Variants in TMEM26 observed in about 807,000 individuals in gnomAD.
TMEM26 encodes the protein transmembrane protein 26.
A neutral mutation model predicts 28.8 loss-of-function variants in TMEM26; 38 were observed. That is an observed-to-expected ratio of 1.32 (90% CI 1.02 to 1.73). The LOEUF is 1.73. TMEM26 is among the 40% of genes most tolerant of loss of function. The probability of loss-of-function intolerance (pLI) is 0.00; values close to 1 mark genes in which losing one functional copy is unlikely to be tolerated. For synonymous variants in TMEM26, 227 were observed against 182.9 expected (o/e 1.24, Z -1.95); for missense variants, 518 against 447.1 (o/e 1.16, Z -1.43).
chr10:61,433,167 G>A (rs917797885), intron 2 of TMEM26, among the ~76,000 whole-genome samples: 2 of 152,018 alleles, frequency 1.3e-5, no homozygotes, highest in Admixed American at 6.6e-5. Flanking sequence ...AGATAACTTG[G>A]AAGCAAATAG....
At chr10:61,431,116 T>G (rs1839914344) in intron 3 of TMEM26, 103 bp downstream of exon 3, 9 of 898,704 alleles carry the variant, frequency 1.0e-5, no homozygotes, top group Non-Finnish European at 1.6e-5. Context: ...GATAACTTTC[T>G]TCAGGAAAGA....
chr10:61,425,987 G>T (rs958176890), intron 4 of TMEM26, among the ~76,000 whole-genome samples: 2 of 152,046 alleles, frequency 1.3e-5, no homozygotes, highest in African/African-American at 4.8e-5. Context: ...GTCTGTCAGT[G>T]AATCCTCTTA....
chr10:61,453,155 C>T lies in TMEM26; in HGVS notation c.-74G>A. ...CCTGCCGGGCGTGCCCGGAGCCCAC[C>T]GGTGAGCAGGAATATGACAAGCACT... On this transcript the variant is annotated 5_prime_UTR_variant, in exon 1 of 6. Transcript: ENST00000399298. 2.7e-6 allele frequency: 4 copies of T among 1,494,786 alleles called. No homozygotes were observed. Among genetic ancestry groups the T allele is most frequent in the Non-Finnish European group, 3.6e-6 (4 of 1,096,160 alleles). 92.6% of individuals were successfully genotyped at this position (1,494,786 alleles called of 1,614,324 possible). A position where few individuals can be genotyped will look rare whatever the true frequency, so the allele number is the denominator to read the frequency against.
In TMEM26 at chr10:61,453,224, G is replaced by A. The variant is rs771592865; in HGVS notation, c.-143C>T. 1.7e-5 allele frequency: 14 copies of A among 815,648 alleles called. No homozygotes were observed. The highest frequency in any genetic ancestry group is 2.6e-5 in the Non-Finnish European group (14 of 530,060). The allele number at this position is 815,648 out of a possible 1,614,324, so 50.5% of individuals were successfully genotyped here. Reference sequence around the variant, plus strand: ...TGGTCCCTTCTCACCCTCAGCGCCCGATGCCGGTAGAACTGGTGCGCGGCT... The same window carrying A: ...TGGTCCCTTCTCACCCTCAGCGCCCAATGCCGGTAGAACTGGTGCGCGGCT... On this transcript the variant is annotated 5_prime_UTR_variant, in exon 1 of 6. Coordinates refer to ENST00000399298, the MANE Select transcript of TMEM26 (RefSeq NM_178505.8).
chr10:61,439,058 T>C (rs1840050998), intron 1 of TMEM26, among the ~76,000 whole-genome samples: 2 of 152,214 alleles, frequency 1.3e-5, no homozygotes, highest in East Asian at 1.9e-4. Flanking sequence ...TCTTTTAGTT[T>C]GGTTAATCTA....
At chr10:61,412,239 T>C (rs1839579414) in intron 5 of TMEM26, among the ~76,000 whole-genome samples, 1 of 151,724 alleles carries the variant, frequency 6.6e-6, no homozygotes, top group Non-Finnish European at 1.5e-5. Flanking sequence ...GGGCACATTA[T>C]GACAAAATCT....
chr10:61,445,871 C>T (rs1004105217), intron 1 of TMEM26, among the ~76,000 whole-genome samples: 2 of 152,016 alleles, frequency 1.3e-5, no homozygotes, highest in Admixed American at 1.3e-4. Context: ...CAGATTTGTC[C>T]TGATGCTGTA....
At chr10:61,412,766 T>C (rs78680258) in intron 5 of TMEM26, 3 of 278,204 alleles carry the variant, frequency 1.1e-5, no homozygotes, top group Non-Finnish European at 2.1e-5. Context: ...AATTTTAATG[T>C]TTTAAATTTT....
At chr10:61,437,355 C>T (rs1485170092) in intron 1 of TMEM26, among the ~76,000 whole-genome samples, 1 of 152,122 alleles carries the variant, frequency 6.6e-6, no homozygotes, top group Non-Finnish European at 1.5e-5. Context: ...ATTTTACTTC[C>T]CGTAAAGCAG....
At chr10:61,430,770 GT>G (rs1417203161) in intron 3 of TMEM26, among the ~76,000 whole-genome samples, 1 of 152,042 alleles carries the variant, frequency 6.6e-6, no homozygotes, top group Non-Finnish European at 1.5e-5. Context: ...ACGCACCACT[GT>G]GGTGCAGGGT....
At chr10:61,431,423 G>T (rs538305110) in intron 2 of TMEM26, 91 bp from the exon 3 acceptor site, 1 of 903,134 alleles carries the variant, frequency 1.1e-6, no homozygotes, top group East Asian at 2.5e-5. Context: ...AAGAGATTAT[G>T]AGCAGATATG....
chr10:61,444,155 A>G (rs537676792), intron 1 of TMEM26, among the ~76,000 whole-genome samples: 33 of 151,578 alleles, frequency 2.2e-4, no homozygotes, highest in Admixed American at 2.2e-3. Context: ...GGCTTTCCAC[A>G]CTCTTGGACT....
chr10:61,430,127 A>G (rs1362106419), intron 3 of TMEM26, among the ~76,000 whole-genome samples: 1 of 151,862 alleles, frequency 6.6e-6, no homozygotes, highest in East Asian at 1.9e-4. Context: ...CAGGAAGCAC[A>G]TTAGTAGAGT....
At chr10:61,451,994 TA>T (rs1840291129) in intron 1 of TMEM26, among the ~76,000 whole-genome samples, 1 of 151,694 alleles carries the variant, frequency 6.6e-6, no homozygotes, top group Admixed American at 6.6e-5. Flanking sequence ...TTGATATATA[TA>T]TATATATATA....
At chr10:61,440,175 G>A (rs1047450151) in intron 1 of TMEM26, among the ~76,000 whole-genome samples, 3 of 152,012 alleles carry the variant, frequency 2.0e-5, no homozygotes, top group African/African-American at 7.3e-5. Context: ...GGGAGGTGGA[G>A]GTTGCAGTGA....
intron 5 of TMEM26, among the ~76,000 whole-genome samples, chr10:61,412,697 T>C (rs1466331278): frequency 6.6e-6 from 1 of 152,174 alleles, no homozygotes; most frequent in Admixed American, 6.5e-5. Context: ...CTGTCCAATA[T>C]GGTAGCCATT....
chr10:61,452,699 A>G, intron 1 of TMEM26, 192 bp downstream of exon 1: 1 of 621,534 alleles, frequency 1.6e-6, no homozygotes, highest in Non-Finnish European at 2.8e-6. Flanking sequence ...CCAGTGTTGC[A>G]CTGGGACCCT....
chr10:61,424,535 T>A (rs1003512067), intron 4 of TMEM26, among the ~76,000 whole-genome samples: 11 of 152,176 alleles, frequency 7.2e-5, no homozygotes, highest in Admixed American at 5.9e-4. Flanking sequence ...TAGTAAGTTA[T>A]TTTTTTAATT....
intron 5 of TMEM26, among the ~76,000 whole-genome samples, chr10:61,412,319 C>A (rs1365894244): frequency 6.6e-6 from 1 of 152,004 alleles, no homozygotes; most frequent in Non-Finnish European, 1.5e-5. Context: ...TTTGGCATTT[C>A]TTAAAAGCCA....
Sources: gnomAD v4.1 joint callset for allele counts (sites outside exome capture counted in the v4.1 genomes callset) on GRCh38, gnomAD v4.1.1 for gene constraint, MANE v1.5 for transcripts, NCBI Gene and HGNC (gene_info 2026-07-23, HGNC 2026-07-21) for gene names.